Variants in PCDHGB2 observed in about 807,000 individuals in gnomAD.
PCDHGB2 encodes protocadherin gamma-B2.
Under a neutral mutation model 59.3 loss-of-function variants are expected in PCDHGB2, and 55 were observed. That is an observed-to-expected ratio of 0.93 (90% confidence interval 0.75 to 1.16). The LOEUF (loss-of-function observed/expected upper bound fraction) is 1.16. Ranked by LOEUF, PCDHGB2 falls within the 50% of genes most tolerant of loss-of-function variation. The pLI is 0.00. For missense variants in PCDHGB2, 1,228 were observed against 1,198.5 expected, an observed-to-expected ratio of 1.02 and a Z score of -0.36; for synonymous variants, 516 against 512.0, an observed-to-expected ratio of 1.01 and a Z score of -0.11.
rs1029237740 is a variant in PCDHGB2, at chr5:141,500,358, A to G, written c.2481-5035A>G. ...AGAATAGCTGGGACTACAGGCGCCC[A>G]CTACCACGCCCGGCTAATTATTTTG... On this transcript the variant is annotated intron_variant, in intron 2 of 3. Coordinates refer to ENST00000522605, the MANE Select transcript of PCDHGB2 (RefSeq NM_018923.3). Among the ~76,000 whole-genome samples, 5 of 151,706 alleles carry G rather than the reference A, an allele frequency of 3.3e-5. No homozygotes were observed. In the South Asian group the frequency reaches 6.3e-4, roughly 19 times the overall value.
chr5:141,408,549 T>C, intron 1 of PCDHGB2: 1 of 1,614,016 alleles, frequency 6.2e-7, no homozygotes, highest in Non-Finnish European at 8.5e-7. Flanking sequence ...CCTTTAAATA[T>C]TTTTCATGTC....
chr5:141,375,490 C>T (rs752487734), intron 1 of PCDHGB2: 1 of 1,614,012 alleles, frequency 6.2e-7, no homozygotes, highest in East Asian at 2.2e-5. Context: ...CCAGGGGTGC[C>T]TCCATCTTCT....
Position 141,366,304 on chromosome 5 carries a change from C to T in PCDHGB2, c.2421+3748C>T, listed in dbSNP as rs373044204. On this transcript the variant is annotated intron_variant, in intron 1 of 3. Coordinates refer to ENST00000522605, the MANE Select transcript of PCDHGB2 (RefSeq NM_018923.3). The stretch of plus-strand genomic sequence containing the variant: ...GCCAGCCCCCTCTGTCAGCCACCTT[C>T]ACGGTCACCGTTGCCGTGGCCGACA... 4.3e-5 allele frequency: 70 copies of T among 1,613,786 alleles called. No individual in the cohort carries two copies. The African/African-American group carries it at 9.1e-4, about 21-fold the overall frequency.
chr5:141,487,622 C>T lies in PCDHGB2; in HGVS notation c.2422-7185C>T. Reference sequence around the variant, plus strand: ...TCTTCTCTATGGGCTAGAGGTGAGACCTTTGCAGGCTCAACAAATGCTTGA... The same window carrying T: ...TCTTCTCTATGGGCTAGAGGTGAGATCTTTGCAGGCTCAACAAATGCTTGA... On this transcript the variant is annotated intron_variant, in intron 1 of 3. Coordinates refer to ENST00000522605, the MANE Select transcript of PCDHGB2 (RefSeq NM_018923.3). This position sits in a 1 kb window ranked among gnomAD's most constrained non-coding sequence, Gnocchi z 5.0. 1.2e-6 allele frequency: 2 copies of T among 1,614,174 alleles called. No homozygotes were observed. Among genetic ancestry groups the T allele is most frequent in the South Asian group, 1.1e-5 (1 of 91,084 alleles).
In PCDHGB2 at chr5:141,465,057, A is replaced by T. The variant is rs1253395484; in HGVS notation, c.2422-29750A>T. 3.3e-5 allele frequency among the ~76,000 whole-genome samples: 5 copies of T among 151,646 alleles called. No homozygotes were observed. The East Asian group carries it at 9.6e-4, about 29-fold the overall frequency. ...ACAAATGACCCTATATATTTTTTTG[A>T]ATTGTCTGTTCATGTCTTATTTTCA... On this transcript the variant is annotated intron_variant, in intron 1 of 3. Coordinates refer to ENST00000522605, the MANE Select transcript of PCDHGB2 (RefSeq NM_018923.3).
intron 1 of PCDHGB2, among the ~76,000 whole-genome samples, chr5:141,475,629 C>T (rs77593456): frequency 0.054 from 8,157 of 152,234 alleles, 446 homozygotes; most frequent in African/African-American, 0.15. Flanking sequence ...TGGTTCGATC[C>T]CCTTTCTTGT....
At chr5:141,426,448 C>T (rs1289310586) in intron 1 of PCDHGB2, 4 of 307,946 alleles carry the variant, frequency 1.3e-5, no homozygotes, top group Middle Eastern at 1.2e-3. Context: ...GGAGGACATG[C>T]GGCTGCATGT....
At chr5:141,402,812 C>A in intron 1 of PCDHGB2, 1 of 1,243,796 alleles carries the variant, frequency 8.0e-7, no homozygotes, top group Non-Finnish European at 1.1e-6. Flanking sequence ...GCAGATACCA[C>A]AAACCTGCTC....
intron 1 of PCDHGB2, chr5:141,389,477 G>C (rs761615943): frequency 1.9e-6 from 3 of 1,613,174 alleles, no homozygotes; most frequent in Non-Finnish European, 2.5e-6. Flanking sequence ...TCACACTGCA[G>C]GCCCGCGACC....
At chr5:141,374,137 G>T (rs1479377011) in intron 1 of PCDHGB2, 11 of 1,606,212 alleles carry the variant, frequency 6.8e-6, no homozygotes, top group African/African-American at 1.3e-5. Flanking sequence ...TGCTCCTCAC[G>T]CTCCTGGGGA....
intron 1 of PCDHGB2, chr5:141,384,826 G>C (rs750050142): frequency 6.2e-7 from 1 of 1,613,472 alleles, no homozygotes; most frequent in Non-Finnish European, 8.5e-7. Flanking sequence ...GCAGAGCCTC[G>C]TGGTGGCCGT....
At chr5:141,408,723 C>G (rs1365936782) in intron 1 of PCDHGB2, 3 of 1,611,058 alleles carry the variant, frequency 1.9e-6, no homozygotes, top group Non-Finnish European at 2.5e-6. Flanking sequence ...AAGATAAACT[C>G]TAATCCTTAT....
chr5:141,381,826 C>CTTTTTTTTTTTTTTTTTTTTTTTTTTTT (rs770630741), intron 1 of PCDHGB2, among the ~76,000 whole-genome samples: 17 of 74,292 alleles, frequency 2.3e-4, no homozygotes, highest in Non-Finnish European at 3.3e-4. Context: ...CTTTCTTCTT[C>CTTTTTTTTTTTTTTTTTTTTTTTTTTTT]TTTTTTTTTT....
At chr5:141,453,969 A>T (rs543979166) in intron 1 of PCDHGB2, among the ~76,000 whole-genome samples, 13 of 152,356 alleles carry the variant, frequency 8.5e-5, no homozygotes, top group South Asian at 2.1e-4. Flanking sequence ...CAAAGCATGT[A>T]GTTGTGTTGC....
intron 1 of PCDHGB2, among the ~76,000 whole-genome samples, chr5:141,455,408 G>A (rs1024760282): frequency 6.6e-6 from 1 of 152,150 alleles, no homozygotes; most frequent in Non-Finnish European, 1.5e-5. Context: ...TACAGAGACA[G>A]AGGGAGCGGG....
intron 1 of PCDHGB2, chr5:141,394,749 G>C (rs1270810324): frequency 1.2e-6 from 2 of 1,613,424 alleles, no homozygotes; most frequent in Admixed American, 1.7e-5. Context: ...CGTGGTGGCC[G>C]TCCAGGACCA....
intron 1 of PCDHGB2, among the ~76,000 whole-genome samples, chr5:141,457,387 T>A (rs530736201): frequency 2.0e-5 from 3 of 152,340 alleles, no homozygotes; most frequent in Non-Finnish European, 2.9e-5. Context: ...AGAACTAGCA[T>A]ATTGATTCAC....
At chr5:141,370,746 C>A in intron 1 of PCDHGB2, 1 of 1,613,906 alleles carries the variant, frequency 6.2e-7, no homozygotes, top group Non-Finnish European at 8.5e-7. Context: ...AAACTTTTTT[C>A]ATGTAACTGT....
chr5:141,364,399 G>C (rs747286948), intron 1 of PCDHGB2: 2 of 1,607,328 alleles, frequency 1.2e-6, no homozygotes, highest in Non-Finnish European at 1.7e-6. Flanking sequence ...TGGGGACGCT[G>C]TGCGAGCCAG....
Sources: gnomAD v4.1 joint callset for allele counts (sites outside exome capture counted in the v4.1 genomes callset) on GRCh38, gnomAD v4.1.1 for gene constraint, Gnocchi (gnomAD v3.1) non-coding constraint, MANE v1.5 for transcripts, NCBI Gene and HGNC (gene_info 2026-07-23, HGNC 2026-07-21) for gene names.